Variants in PRKAR1A observed in about 807,000 individuals in gnomAD.
PRKAR1A encodes protein kinase cAMP-dependent type I regulatory subunit alpha.
Under a neutral mutation model 52.0 loss-of-function variants are expected in PRKAR1A, and 3 were observed. That is an observed-to-expected ratio of 0.06 (90% CI 0.03 to 0.15). PRKAR1A has a LOEUF of 0.15. Ranked by LOEUF, PRKAR1A falls within the 10% of genes least tolerant of loss-of-function variation. The pLI, the probability that PRKAR1A is intolerant of heterozygous loss-of-function variation, is 1.00. For missense variants in PRKAR1A, 240 were observed against 477.4 expected (o/e 0.50, Z 4.63); for synonymous variants, 188 against 168.4 (o/e 1.12, Z -0.90).
chr17:68,523,882 A>G, intron 4 of PRKAR1A, 66 bp downstream of exon 4: 9 of 1,586,754 alleles, frequency 5.7e-6, no homozygotes, highest in Non-Finnish European at 7.8e-6. Flanking sequence ...TGTTTTCAAC[A>G]CTTGTTGCAA....
chr17:68,533,482 G>A (rs1371905986), downstream of PRKAR1A: 8 of 964,034 alleles, frequency 8.3e-6, no homozygotes, highest in Admixed American at 5.6e-5. Context: ...CTAAACAGTG[G>A]CCCAAGTAGA....
intron 11 of PRKAR1A, among the ~76,000 whole-genome samples, chr17:68,546,672 T>A (rs1024150284): frequency 6.6e-6 from 1 of 151,788 alleles, no homozygotes; most frequent in African/African-American, 2.4e-5. Context: ...CTACTAAAAA[T>A]ACAAAAAATT....
the PRKAR1A span, among the ~76,000 whole-genome samples, chr17:68,464,703 AAAAAC>A: frequency 7.3e-6 from 1 of 137,454 alleles, no homozygotes; most frequent in African/African-American, 2.6e-5. Flanking sequence ...AAAAAACAAA[AAAAAC>A]AAAAAAAACA....
the PRKAR1A span, among the ~76,000 whole-genome samples, chr17:68,473,544 A>G: frequency 2.0e-5 from 3 of 151,990 alleles, no homozygotes; most frequent in South Asian, 2.1e-4. Context: ...TTTATTTGAG[A>G]CAGAGTCTCA....
At position 68,523,648 on chromosome 17, in the gene PRKAR1A, T is replaced by C. The variant is rs1339860076; in HGVS notation, c.349-77T>C. On this transcript the variant is annotated intron_variant, in intron 3 of 10. Coordinates refer to ENST00000589228, the MANE Select transcript of PRKAR1A (RefSeq NM_002734.5). ...TAAATACCATAATGTGGCTTGACAT[T>C]TAATTGAAGCGCAGGTTGCAAACGT... is the stretch of plus-strand genomic sequence containing the variant. 3.6e-6 allele frequency: 4 copies of C among 1,115,808 alleles called. No homozygotes were observed. In the African/African-American group the frequency reaches 4.6e-5, roughly 13 times the overall value. The allele number at this position is 1,115,808 out of a possible 1,614,324, so 69.1% of individuals were successfully genotyped here.
chr17:68,542,685 G>A (rs1273240938), intron 11 of PRKAR1A: 2 of 1,603,924 alleles, frequency 1.2e-6, no homozygotes, highest in Middle Eastern at 1.7e-4. Context: ...ACTCGGGCCA[G>A]TACTCTACCT....
At chr17:68,442,939 T>C in the PRKAR1A span, among the ~76,000 whole-genome samples, 2 of 152,196 alleles carry the variant, frequency 1.3e-5, no homozygotes, top group Admixed American at 6.5e-5. Flanking sequence ...ATGTCTGCAA[T>C]AGATACTTGT....
At chr17:68,446,803 C>A in the PRKAR1A span, among the ~76,000 whole-genome samples, 1 of 152,220 alleles carries the variant, frequency 6.6e-6, no homozygotes, top group South Asian at 2.1e-4. Context: ...ATCTGATCTG[C>A]ATTTTTTTCC....
At chr17:68,506,682 C>T in the PRKAR1A span, among the ~76,000 whole-genome samples, 1 of 152,058 alleles carries the variant, frequency 6.6e-6, no homozygotes. Flanking sequence ...CGGGGTTTCA[C>T]CATATTGGCC....
the PRKAR1A span, among the ~76,000 whole-genome samples, chr17:68,455,111 C>T: frequency 6.6e-6 from 1 of 152,052 alleles, no homozygotes; most frequent in African/African-American, 2.4e-5. Context: ...TCTGTAATCC[C>T]AGCATTTTGG....
chr17:68,490,600 T>C, the PRKAR1A span, among the ~76,000 whole-genome samples: 1 of 152,172 alleles, frequency 6.6e-6, no homozygotes, highest in South Asian at 2.1e-4. Flanking sequence ...ACTTTTTTTT[T>C]TCTTAAGGTT....
At chr17:68,497,824 G>T in the PRKAR1A span, among the ~76,000 whole-genome samples, 1 of 152,156 alleles carries the variant, frequency 6.6e-6, no homozygotes, top group African/African-American at 2.4e-5. Context: ...GCTGCCTCAC[G>T]AAAGACAAGA....
At chr17:68,433,073 T>A in the PRKAR1A span, among the ~76,000 whole-genome samples, 2 of 152,256 alleles carry the variant, frequency 1.3e-5, no homozygotes, top group Non-Finnish European at 2.9e-5. Flanking sequence ...TATATTGTTA[T>A]ATTTACAGCT....
At chr17:68,548,052 C>G (rs182801530) in intron 11 of PRKAR1A, among the ~76,000 whole-genome samples, 11 of 152,186 alleles carry the variant, frequency 7.2e-5, no homozygotes, top group Admixed American at 7.2e-4. Context: ...ATAGGGAGGC[C>G]TGAGGACTGG....
chr17:68,445,135 G>C, the PRKAR1A span, among the ~76,000 whole-genome samples: 5 of 152,008 alleles, frequency 3.3e-5, no homozygotes. Flanking sequence ...GATCAGGCTG[G>C]TCTCGAACTC....
chr17:68,466,065 C>G, the PRKAR1A span, among the ~76,000 whole-genome samples: 1 of 152,144 alleles, frequency 6.6e-6, no homozygotes, highest in African/African-American at 2.4e-5. Context: ...TTCCCCTGAC[C>G]TTACTGACTT....
At chr17:68,452,064 T>C in the PRKAR1A span, among the ~76,000 whole-genome samples, 2 of 152,230 alleles carry the variant, frequency 1.3e-5, no homozygotes, top group Non-Finnish European at 2.9e-5. Flanking sequence ...GGTTGTATAT[T>C]GTTCGCTATT....
chr17:68,529,531 T>A (rs1301411956), intron 9 of PRKAR1A, among the ~76,000 whole-genome samples: 1 of 152,234 alleles, frequency 6.6e-6, no homozygotes, highest in East Asian at 1.9e-4. Flanking sequence ...GTAAGTAAGT[T>A]AAGCTTTGTG....
At chr17:68,516,510 T>A (rs1397906995) in intron 2 of PRKAR1A, among the ~76,000 whole-genome samples, 1 of 152,100 alleles carries the variant, frequency 6.6e-6, no homozygotes, top group African/African-American at 2.4e-5. Context: ...AAGAAATGAA[T>A]CATTTCTTTT....
Sources: gnomAD v4.1 joint callset for allele counts (sites outside exome capture counted in the v4.1 genomes callset) on GRCh38, gnomAD v4.1.1 for gene constraint, MANE v1.5 for transcripts, NCBI Gene and HGNC (gene_info 2026-07-23, HGNC 2026-07-21) for gene names.